Variants in NAA11 observed in about 807,000 individuals in gnomAD.
The protein encoded by NAA11 is N-alpha-acetyltransferase 11, NatA catalytic subunit, also known as N-alpha-acetyltransferase 11.
A neutral mutation model predicts 16.1 loss-of-function variants in NAA11; 15 were observed. That is an observed-to-expected ratio of 0.93 (90% CI 0.62 to 1.44). The LOEUF (loss-of-function observed/expected upper bound fraction) is 1.44. Among genes scored for constraint, NAA11 ranks in the 40% most tolerant of loss-of-function variants. NAA11 has a pLI of 0.00. For synonymous variants in NAA11, 122 were observed against 112.4 expected, an observed-to-expected ratio of 1.09 and a Z score of -0.54; for missense variants, 298 against 291.3, an observed-to-expected ratio of 1.02 and a Z score of -0.17.
the NAA11 span, among the ~76,000 whole-genome samples, chr4:79,176,310 T>C: frequency 6.6e-6 from 1 of 152,174 alleles, no homozygotes; most frequent in African/African-American, 2.4e-5. Flanking sequence ...TGTGTATGCA[T>C]GTATTAATCA....
At chr4:79,216,911 T>C in the NAA11 span, among the ~76,000 whole-genome samples, 7 of 152,200 alleles carry the variant, frequency 4.6e-5, no homozygotes, top group Non-Finnish European at 7.3e-5. Context: ...ATGGAATTTT[T>C]CCACCAAACA....
the NAA11 span, among the ~76,000 whole-genome samples, chr4:79,185,911 G>A: frequency 4.9e-4 from 75 of 151,648 alleles, no homozygotes; most frequent in African/African-American, 1.6e-3. Flanking sequence ...TAGTTCACAC[G>A]AAGTGTTTGC....
chr4:79,168,225 A>G, the NAA11 span, among the ~76,000 whole-genome samples: 1 of 152,112 alleles, frequency 6.6e-6, no homozygotes, highest in African/African-American at 2.4e-5. Context: ...GCTGCATAGT[A>G]TTCTGTGGTG....
At chr4:79,241,212 T>C (rs1235108281) in intron 2 of NAA11, among the ~76,000 whole-genome samples, 1 of 152,208 alleles carries the variant, frequency 6.6e-6, no homozygotes, top group African/African-American at 2.4e-5. Flanking sequence ...CATGATTCAC[T>C]TTCGCTTAAA....
At chr4:79,177,404 CAAA>C in the NAA11 span, among the ~76,000 whole-genome samples, 8,875 of 147,608 alleles carry the variant, frequency 0.06, 358 homozygotes, top group Middle Eastern at 0.12. Flanking sequence ...TTTGACTTAT[CAAA>C]AAAAAAAAAC....
chr4:79,190,586 G>T, the NAA11 span, among the ~76,000 whole-genome samples: 1 of 151,942 alleles, frequency 6.6e-6, no homozygotes, highest in African/African-American at 2.4e-5. Context: ...TGTGCCAGTT[G>T]CTGTGCCAGA....
chr4:79,244,638 C>CTCCCGTCT (rs1553891270), intron 2 of NAA11: 20 of 44,288 alleles, frequency 4.5e-4, no homozygotes, highest in African/African-American at 1.0e-3. Flanking sequence ...CCCTCCCCCT[C>CTCCCGTCT]CCCGTCTCCG....
intron 1 of NAA11, among the ~76,000 whole-genome samples, chr4:79,297,475 C>T (rs543791878): frequency 6.6e-6 from 1 of 152,198 alleles, no homozygotes; most frequent in East Asian, 1.9e-4. Context: ...CTGCACTTTG[C>T]ACCCTCAGGA....
chr4:79,286,870 T>C (rs1478940448), intron 2 of NAA11, among the ~76,000 whole-genome samples: 1 of 152,038 alleles, frequency 6.6e-6, no homozygotes, highest in Non-Finnish European at 1.5e-5. Flanking sequence ...ATCATAACAT[T>C]TTGCCCATGA....
At chr4:79,185,398 C>T in the NAA11 span, among the ~76,000 whole-genome samples, 24 of 152,216 alleles carry the variant, frequency 1.6e-4, no homozygotes, top group African/African-American at 4.3e-4. Context: ...GATGTAATGG[C>T]TAGTGAAGAC....
intron 2 of NAA11, among the ~76,000 whole-genome samples, chr4:79,266,662 T>G (rs1399428378): frequency 6.6e-6 from 1 of 152,142 alleles, no homozygotes; most frequent in Non-Finnish European, 1.5e-5. Flanking sequence ...AAGAATAATT[T>G]TATAAAACGT....
the NAA11 span, among the ~76,000 whole-genome samples, chr4:79,158,144 G>A: frequency 8.1e-5 from 12 of 148,982 alleles, no homozygotes; most frequent in East Asian, 1.4e-3. Context: ...CTCGTGATCC[G>A]CCTGCCTCGG....
the NAA11 span, among the ~76,000 whole-genome samples, chr4:79,216,184 A>G: frequency 3.4e-4 from 51 of 152,226 alleles, no homozygotes; most frequent in South Asian, 5.0e-3. Flanking sequence ...TGAACAAAAA[A>G]TTGTGTACTG....
chr4:79,197,283 C>G, the NAA11 span, among the ~76,000 whole-genome samples: 1 of 151,806 alleles, frequency 6.6e-6, no homozygotes, highest in Non-Finnish European at 1.5e-5. Flanking sequence ...GAGATTTACT[C>G]TGAATGTTTT....
the NAA11 span, among the ~76,000 whole-genome samples, chr4:79,200,737 G>A: frequency 6.6e-6 from 1 of 151,716 alleles, no homozygotes; most frequent in African/African-American, 2.4e-5. Context: ...ATTGATTCTT[G>A]TTCTTCCAGT....
At chr4:79,285,189 A>G (rs1722880843) in intron 2 of NAA11, among the ~76,000 whole-genome samples, 2 of 152,124 alleles carry the variant, frequency 1.3e-5, no homozygotes, top group Admixed American at 1.3e-4. Flanking sequence ...ATCAGATGCC[A>G]TAAATTGGAT....
chr4:79,189,455 A>C, the NAA11 span, among the ~76,000 whole-genome samples: 1 of 152,200 alleles, frequency 6.6e-6, no homozygotes, highest in Non-Finnish European at 1.5e-5. Context: ...GCTGGAACGT[A>C]AGGAGAAAGG....
chr4:79,294,736 T>A (rs1321667973), intron 1 of NAA11, among the ~76,000 whole-genome samples: 1 of 152,178 alleles, frequency 6.6e-6, no homozygotes, highest in Non-Finnish European at 1.5e-5. Flanking sequence ...TAAATATCTA[T>A]AAGCATTTCT....
intron 2 of NAA11, among the ~76,000 whole-genome samples, chr4:79,293,272 A>G (rs1338978161): frequency 6.6e-6 from 1 of 152,178 alleles, no homozygotes; most frequent in Non-Finnish European, 1.5e-5. Context: ...CTTAGTGTTT[A>G]AAAACAAAGG....
Sources: allele counts gnomAD v4.1 joint callset (sites outside exome capture counted in the v4.1 genomes callset), GRCh38; gene constraint gnomAD v4.1.1; transcripts MANE v1.5; gene names NCBI Gene and HGNC (gene_info 2026-07-23, HGNC 2026-07-21).